Variants in ARL3 observed in about 807,000 individuals in gnomAD.
ARL3 encodes the protein ADP-ribosylation factor-like protein 3.
ARL3 carries 9 observed loss-of-function variants against 26.0 expected under a neutral mutation model. That is an observed-to-expected ratio of 0.35 (90% CI 0.21 to 0.60). The LOEUF is 0.60. Ranked by LOEUF, ARL3 falls within the 20% of genes least tolerant of loss-of-function variation. ARL3 has a pLI of 0.78. For missense variants in ARL3, 158 were observed against 215.7 expected (o/e 0.73, Z 1.67); for synonymous variants, 71 against 78.4 (o/e 0.91, Z 0.50).
chr10:102,699,651 A>G (rs936434849), intron 2 of ARL3, among the ~76,000 whole-genome samples, 162 bp from the exon 3 acceptor site: 9 of 152,240 alleles, frequency 5.9e-5, no homozygotes, highest in African/African-American at 2.2e-4. Flanking sequence ...ATACAGAAAC[A>G]TATTTATACA....
intron 5 of ARL3, among the ~76,000 whole-genome samples, chr10:102,681,506 G>A (rs530978737): frequency 2.0e-5 from 3 of 152,294 alleles, no homozygotes; most frequent in African/African-American, 4.8e-5. Flanking sequence ...TTCCTCTGGA[G>A]GCTGACTCAG....
At chr10:102,712,239 G>A (rs961769368) in intron 1 of ARL3, among the ~76,000 whole-genome samples, 1 of 152,124 alleles carries the variant, frequency 6.6e-6, no homozygotes, top group African/African-American at 2.4e-5. Flanking sequence ...CACAGCTGAA[G>A]TTTAAAACAA....
chr10:102,707,812 C>T (rs949283874), intron 1 of ARL3, among the ~76,000 whole-genome samples: 1 of 152,160 alleles, frequency 6.6e-6, no homozygotes, highest in Non-Finnish European at 1.5e-5. Flanking sequence ...AAGGTTTAGT[C>T]TAAGCTAGAC....
chr10:102,701,685 T>A (rs1199939853), intron 2 of ARL3, among the ~76,000 whole-genome samples: 2 of 152,086 alleles, frequency 1.3e-5, no homozygotes, highest in South Asian at 2.1e-4. Flanking sequence ...TAACAGTAAA[T>A]CTTGGAATAC....
chr10:102,682,034 G>C (rs979997793), intron 5 of ARL3, among the ~76,000 whole-genome samples: 1 of 152,110 alleles, frequency 6.6e-6, no homozygotes. Flanking sequence ...AAGACTGAGA[G>C]TCCCAGTGCA....
intron 1 of ARL3, among the ~76,000 whole-genome samples, chr10:102,708,908 A>ATATATATATATATATTTT: frequency 5.2e-4 from 50 of 95,302 alleles, no homozygotes; most frequent in African/African-American, 6.7e-4. Flanking sequence ...ATATATATAT[A>ATATATATATATATATTTT]TTTTTTTTTT....
intron 1 of ARL3, among the ~76,000 whole-genome samples, chr10:102,712,213 A>C (rs1332287643): frequency 6.6e-6 from 1 of 152,222 alleles, no homozygotes; most frequent in East Asian, 1.9e-4. Context: ...AAATTTGAAA[A>C]AAAATATGTA....
chr10:102,679,781 C>CA (rs2064146376), intron 5 of ARL3, among the ~76,000 whole-genome samples: 1 of 152,210 alleles, frequency 6.6e-6, no homozygotes, highest in Non-Finnish European at 1.5e-5. Context: ...TCTGTATATG[C>CA]AGAGGCCTGG....
intron 5 of ARL3, among the ~76,000 whole-genome samples, chr10:102,680,165 C>T (rs999304691): frequency 1.3e-5 from 2 of 152,174 alleles, no homozygotes; most frequent in South Asian, 2.1e-4. Flanking sequence ...AGGATGGTCT[C>T]GATCTCCTGA....
At chr10:102,705,034 G>A (rs961289550) in intron 2 of ARL3, among the ~76,000 whole-genome samples, 6 of 152,084 alleles carry the variant, frequency 3.9e-5, no homozygotes, top group Non-Finnish European at 5.9e-5. Flanking sequence ...ACTGTGGGCC[G>A]TTACCCACAG....
intron 3 of ARL3, among the ~76,000 whole-genome samples, chr10:102,693,454 C>G (rs185844639): frequency 1.4e-3 from 217 of 152,118 alleles, no homozygotes; most frequent in Middle Eastern, 6.8e-3. Context: ...ACATATAATA[C>G]TGAACATTTT....
At chr10:102,702,772 G>C (rs1446061168) in intron 2 of ARL3, among the ~76,000 whole-genome samples, 1 of 152,072 alleles carries the variant, frequency 6.6e-6, no homozygotes, top group African/African-American at 2.4e-5. Flanking sequence ...AATTTGCTTG[G>C]GCTATACATT....
intron 2 of ARL3, among the ~76,000 whole-genome samples, chr10:102,700,045 A>G (rs1299205196): frequency 6.6e-6 from 1 of 152,192 alleles, no homozygotes; most frequent in Non-Finnish European, 1.5e-5. Context: ...TGTAACTCGA[A>G]TATATCAGCC....
chr10:102,708,908 A>ATTTTT (rs1554864095), intron 1 of ARL3, among the ~76,000 whole-genome samples: 34 of 95,320 alleles, frequency 3.6e-4, no homozygotes, highest in African/African-American at 1.1e-3. Flanking sequence ...ATATATATAT[A>ATTTTT]TTTTTTTTTT....
Position 102,676,800 on chromosome 10 carries a change from A to G in ARL3, c.*94T>C. The G allele has an allele frequency of 3.0e-6, 4 of 1,340,656 alleles. No homozygotes were observed. Among genetic ancestry groups the G allele is most frequent in the Non-Finnish European group, 4.2e-6 (4 of 943,690 alleles). The allele number at this position is 1,340,656 out of a possible 1,614,324, so 83.0% of individuals were successfully genotyped here. ...TCTTCAAACAGCTGGAGCTGTACAC[A>G]GATGGAAAAACATTTGGTCAGAAAG... On this transcript the variant is annotated 3_prime_UTR_variant, in exon 6 of 6. Transcript: ENST00000260746.
At chr10:102,703,781 C>G (rs1242768877) in intron 2 of ARL3, among the ~76,000 whole-genome samples, 1 of 151,912 alleles carries the variant, frequency 6.6e-6, no homozygotes, top group East Asian at 1.9e-4. Context: ...TGAGCACTAT[C>G]ATTCCCTTAT....
chr10:102,685,411 A>AGGGGTAGG (rs1161658631), intron 5 of ARL3, among the ~76,000 whole-genome samples: 1 of 152,120 alleles, frequency 6.6e-6, no homozygotes, highest in African/African-American at 2.4e-5. Context: ...GATAACCAAC[A>AGGGGTAGG]GAAGAAACAA....
rs1198199313 is a variant in ARL3, at chr10:102,675,345, T to A, written c.*1549A>T. 2 of 152,258 alleles carry A rather than the reference T, an allele frequency of 1.3e-5. No homozygotes were observed. The highest frequency in any genetic ancestry group is 4.8e-5 in the African/African-American group (2 of 41,458). 9.4% of individuals were successfully genotyped at this position (152,258 alleles called of 1,614,324 possible). A position where few individuals can be genotyped will look rare whatever the true frequency, so the allele number is the denominator to read the frequency against. On this transcript the variant is annotated 3_prime_UTR_variant, in exon 6 of 6. Transcript: ENST00000260746. ...TATGCCTCAGTCTCTGCTGCACTCT[T>A]AGCCAGAAGCAGCTGGGTATTGAGG...
chr10:102,706,457 A>T (rs1350362855), intron 1 of ARL3, among the ~76,000 whole-genome samples: 1 of 152,174 alleles, frequency 6.6e-6, no homozygotes, highest in East Asian at 1.9e-4. Context: ...TCTCAAAAAA[A>T]AAGATTTTAT....
Sources: allele counts gnomAD v4.1 joint callset (sites outside exome capture counted in the v4.1 genomes callset), GRCh38; gene constraint gnomAD v4.1.1; transcripts MANE v1.5; gene names NCBI Gene and HGNC (gene_info 2026-07-23, HGNC 2026-07-21).